Variants in XRCC6 observed in about 807,000 individuals in gnomAD.
XRCC6 encodes X-ray repair cross complementing 6.
A neutral mutation model predicts 65.7 loss-of-function variants in XRCC6; 5 were observed. The ratio of observed to expected loss-of-function variants is 0.08; its 90% CI spans 0.04 to 0.16. The LOEUF (loss-of-function observed/expected upper bound fraction) is 0.16. XRCC6 is among the 10% of genes least tolerant of loss of function. The pLI is 1.00. For synonymous variants in XRCC6, 270 were observed against 270.6 expected (o/e 1.00, Z 0.02); for missense variants, 447 against 738.1 (o/e 0.61, Z 4.57).
chr22:41,638,658 G>A (rs955304416), intron 6 of XRCC6, among the ~76,000 whole-genome samples: 11 of 150,966 alleles, frequency 7.3e-5, no homozygotes, highest in Non-Finnish European at 8.8e-5. Flanking sequence ...GATGGCGCGC[G>A]CCTGTAGTCC....
chr22:41,657,506 T>TTAC (rs1431927074), intron 10 of XRCC6, among the ~76,000 whole-genome samples: 1 of 143,832 alleles, frequency 7.0e-6, no homozygotes, highest in Non-Finnish European at 1.5e-5. Context: ...ATTATTATTA[T>TTAC]TATTATTATT....
chr22:41,663,161 A>G (rs899830715), intron 12 of XRCC6, among the ~76,000 whole-genome samples: 4 of 152,174 alleles, frequency 2.6e-5, no homozygotes, highest in South Asian at 2.1e-4. Flanking sequence ...CAGTGGCTCA[A>G]TCACAGTTCA....
In XRCC6 at chr22:41,637,362, G is replaced by A. The variant is rs552485979; in HGVS notation, c.590-246G>A. Among the ~76,000 whole-genome samples, 5 of 152,314 alleles carry A rather than the reference G, an allele frequency of 3.3e-5. No individual in the cohort carries two copies. In the East Asian group the frequency reaches 9.6e-4, roughly 29 times the overall value. On this transcript the variant is annotated intron_variant, in intron 5 of 12. Coordinates refer to ENST00000360079, the MANE Select transcript of XRCC6 (RefSeq NM_001469.5). ...CCCTCCCAAAGTGCTGGGGATGACA[G>A]ATGTGAGCCACTGTGCCTGGCCAGT...
At chr22:41,627,082 A>G (rs112648778) in intron 2 of XRCC6, among the ~76,000 whole-genome samples, 2 of 152,272 alleles carry the variant, frequency 1.3e-5, no homozygotes, top group African/African-American at 4.8e-5. Context: ...CGCCTAATTA[A>G]TTTTTTTAAA....
intron 6 of XRCC6, 69 bp downstream of exon 6, chr22:41,637,860 C>T: frequency 6.6e-7 from 1 of 1,509,890 alleles, no homozygotes; most frequent in Non-Finnish European, 8.9e-7. Flanking sequence ...CGCGGTGGCT[C>T]ACACCTGTAA....
chr22:41,621,762 C>T lies in XRCC6; in HGVS notation c.-15-228C>T, dbSNP rs941890968. On this transcript the variant is annotated intron_variant, in intron 1 of 12. Transcript: ENST00000360079. ...CCTCCGGGATCTGGCTTCCGCGGGC[C>T]GCCGCCGGCCCTGAAACGTGAGGGA... is the stretch of plus-strand genomic sequence containing the variant. 1.6e-5 allele frequency: 8 copies of T among 498,470 alleles called. No homozygotes were observed. In the Admixed American group the frequency reaches 2.5e-4, roughly 16 times the overall value. 30.9% of individuals were successfully genotyped at this position (498,470 alleles called of 1,614,324 possible).
chr22:41,654,284 G>A (rs1231495618), intron 9 of XRCC6, among the ~76,000 whole-genome samples: 1 of 152,116 alleles, frequency 6.6e-6, no homozygotes, highest in Non-Finnish European at 1.5e-5. Context: ...CCCTCGGGGT[G>A]GTTTTACATT....
rs749103279 is a variant in XRCC6 at position 41,636,109 on chromosome 22, T to C, written c.196-4T>C. ...GTAAATATTAATTGAATTTTTTTTT[T>C]CAGTGTATCCAAAGTGTGTACATCA... On this transcript the variant is annotated splice_polypyrimidine_tract_variant and splice_region_variant and intron_variant, in intron 3 of 12. Coordinates refer to ENST00000360079, the MANE Select transcript of XRCC6 (RefSeq NM_001469.5). 6.4e-7 allele frequency: 1 copy of C among 1,572,072 alleles called. No homozygotes were observed. Among genetic ancestry groups the C allele is most frequent in the Non-Finnish European group, 8.6e-7 (1 of 1,167,980 alleles).
intron 10 of XRCC6, among the ~76,000 whole-genome samples, 165 bp from the exon 11 acceptor site, chr22:41,658,087 G>A (rs2068062000): frequency 6.6e-6 from 1 of 152,166 alleles, no homozygotes; most frequent in Admixed American, 6.5e-5. Flanking sequence ...GCCTACCAAA[G>A]TGCTGGGATT....
At chr22:41,632,692 G>T (rs1420209466) in intron 3 of XRCC6, among the ~76,000 whole-genome samples, 1 of 152,072 alleles carries the variant, frequency 6.6e-6, no homozygotes, top group Non-Finnish European at 1.5e-5. Flanking sequence ...GTGTGGTGGT[G>T]TGCACTTGTA....
Position 41,663,930 on chromosome 22 carries a change from C to G in XRCC6, c.*115C>G. On this transcript the variant is annotated 3_prime_UTR_variant, in exon 13 of 13. Coordinates refer to ENST00000360079, the MANE Select transcript of XRCC6 (RefSeq NM_001469.5). Reference sequence around the variant, plus strand: ...TAGGAAGAGTCTACCCGACATAAGTCGAGGGACTTTATGTTTTTGAGGCTT... The same window carrying G: ...TAGGAAGAGTCTACCCGACATAAGTGGAGGGACTTTATGTTTTTGAGGCTT... 1.7e-6 allele frequency: 2 copies of G among 1,150,616 alleles called. No individual in the cohort carries two copies. The highest frequency in any genetic ancestry group is 3.2e-5 in the South Asian group (2 of 63,404). 71.3% of individuals were successfully genotyped at this position (1,150,616 alleles called of 1,614,324 possible).
chr22:41,656,516 CAAA>C (rs879533269), intron 9 of XRCC6, among the ~76,000 whole-genome samples: 3 of 125,560 alleles, frequency 2.4e-5, no homozygotes, highest in Non-Finnish European at 5.1e-5. Context: ...AACTCCATCT[CAAA>C]AAAAAAAAAA....
chr22:41,653,050 G>A (rs1569095656), intron 8 of XRCC6, among the ~76,000 whole-genome samples: 1 of 152,010 alleles, frequency 6.6e-6, no homozygotes, highest in South Asian at 2.1e-4. Context: ...CTGTGTCTCT[G>A]CTGTCCCCAT....
In XRCC6 at chr22:41,638,776, CA is replaced by C. The variant is rs56677816; in HGVS notation, c.773+1007del. Among the ~76,000 whole-genome samples the C allele has an allele frequency of 9.8e-3, 641 of 65,666 alleles. 1 individual carries two copies. The highest frequency in any genetic ancestry group is 0.024 in the Middle Eastern group (3 of 126). The allele number at this position is 65,666 out of a possible 152,430, so 43.1% of individuals were successfully genotyped here. The stretch of plus-strand genomic sequence containing the variant: ...CTGGTGACAAAGTGAGACTCCGCCT[CA>C]AAAAAAAAAAAAAAAAAAAAAGAAA... On this transcript the variant is annotated intron_variant, in intron 6 of 12. Coordinates refer to ENST00000360079, the MANE Select transcript of XRCC6 (RefSeq NM_001469.5).
intron 3 of XRCC6, among the ~76,000 whole-genome samples, chr22:41,633,222 A>G (rs1018811595): frequency 1.3e-5 from 2 of 152,234 alleles, no homozygotes; most frequent in African/African-American, 2.4e-5. Context: ...CTTGCAGGAC[A>G]TTAAAACACA....
chr22:41,643,654 C>T (rs1316510606), intron 6 of XRCC6, among the ~76,000 whole-genome samples: 2 of 151,958 alleles, frequency 1.3e-5, no homozygotes, highest in African/African-American at 4.8e-5. Flanking sequence ...AGCACCGTCT[C>T]TACTAAAAAT....
At chr22:41,656,623 T>G (rs548537825) in intron 9 of XRCC6, among the ~76,000 whole-genome samples, 10 of 152,152 alleles carry the variant, frequency 6.6e-5, no homozygotes, top group Admixed American at 5.2e-4. Context: ...CTGTCCGAGG[T>G]TTCAGGTATC....
chr22:41,632,163 A>G (rs1303230592), intron 3 of XRCC6, among the ~76,000 whole-genome samples: 4 of 150,190 alleles, frequency 2.7e-5, no homozygotes, highest in Non-Finnish European at 5.9e-5. Flanking sequence ...GACCGTGGGG[A>G]GAGGGATAGG....
intron 6 of XRCC6, among the ~76,000 whole-genome samples, chr22:41,639,418 C>T (rs1173363389): frequency 1.5e-5 from 2 of 134,240 alleles, no homozygotes; most frequent in Non-Finnish European, 3.1e-5. Flanking sequence ...ACCTTAGCCT[C>T]GACCTCCTGA....
Sources: gnomAD v4.1 joint callset for allele counts (sites outside exome capture counted in the v4.1 genomes callset) on GRCh38, gnomAD v4.1.1 for gene constraint, MANE v1.5 for transcripts, NCBI Gene and HGNC (gene_info 2026-07-23, HGNC 2026-07-21) for gene names.